NUP93: variants seen among roughly 807,000 people sequenced by gnomAD.
NUP93 encodes nucleoporin 93, also known as nuclear pore complex protein Nup93.
NUP93 carries 55 observed loss-of-function variants against 107.8 expected under a neutral mutation model. The observed-to-expected ratio is 0.51, with a 90% CI of 0.41 to 0.64. The LOEUF (loss-of-function observed/expected upper bound fraction) is 0.64, where lower values mean the gene tolerates loss of function less well. Ranked by LOEUF, NUP93 falls within the 30% of genes least tolerant of loss-of-function variation. NUP93 has a pLI of 0.00. For synonymous variants in NUP93, 390 were observed against 397.5 expected (o/e 0.98, Z 0.22); for missense variants, 937 against 1,044.7 (o/e 0.90, Z 1.42).
At chr16:56,824,520 G>A (rs1290973241) in intron 8 of NUP93, among the ~76,000 whole-genome samples, 2 of 152,178 alleles carry the variant, frequency 1.3e-5, no homozygotes, top group Non-Finnish European at 2.9e-5. Flanking sequence ...GTGTGCAATA[G>A]AATCTCTTTA....
intron 5 of NUP93, among the ~76,000 whole-genome samples, chr16:56,809,916 GTTTC>G (rs1452688066): frequency 2.6e-5 from 4 of 152,152 alleles, no homozygotes; most frequent in African/African-American, 9.7e-5. Context: ...TCAAACTAAT[GTTTC>G]TTTCTCAATT....
rs1964159702 is a variant in NUP93 at position 56,850,143 on chromosome 16, T to C, written c.*5534T>C. On this transcript the variant is annotated 3_prime_UTR_variant, in exon 22 of 22. Coordinates refer to ENST00000308159, the MANE Select transcript of NUP93 (RefSeq NM_014669.5). ...TTCTCGAGTCACTCTGTGTGGTGCTTGTGGGAGAAGGGAGAGGGTGGGAGA... is the reference window on the plus strand; with the variant it reads ...TTCTCGAGTCACTCTGTGTGGTGCTCGTGGGAGAAGGGAGAGGGTGGGAGA... 1 of 152,288 alleles carries C rather than the reference T, an allele frequency of 6.6e-6. No individual in the cohort carries two copies. The highest frequency in any genetic ancestry group is 6.5e-5 in the Admixed American group (1 of 15,286). The allele number at this position is 152,288 out of a possible 1,614,324, so 9.4% of individuals were successfully genotyped here.
chr16:56,785,127 TTGAAA>T (rs1409239179), intron 3 of NUP93, among the ~76,000 whole-genome samples: 2 of 152,236 alleles, frequency 1.3e-5, no homozygotes, highest in Admixed American at 1.3e-4. Flanking sequence ...GGCTTGCACC[TTGAAA>T]TGAAAGAGTT....
chr16:56,812,187 G>T (rs1264572862), intron 5 of NUP93, among the ~76,000 whole-genome samples: 1 of 152,146 alleles, frequency 6.6e-6, no homozygotes, highest in Non-Finnish European at 1.5e-5. Flanking sequence ...TTAATATAAA[G>T]AGAGGCTCAA....
intron 5 of NUP93, among the ~76,000 whole-genome samples, chr16:56,806,328 T>C (rs188904431): frequency 6.6e-6 from 1 of 152,086 alleles, no homozygotes; most frequent in African/African-American, 2.4e-5. Context: ...ATCCAACCAC[T>C]TCTCACTGCC....
At chr16:56,768,808 G>T (rs937953472) in intron 3 of NUP93, among the ~76,000 whole-genome samples, 1 of 151,142 alleles carries the variant, frequency 6.6e-6, no homozygotes, top group Non-Finnish European at 1.5e-5. Context: ...TAGAGCTTGC[G>T]GTGAGCCGAG....
At chr16:56,777,581 T>A (rs1192641887) in intron 3 of NUP93, among the ~76,000 whole-genome samples, 1 of 152,216 alleles carries the variant, frequency 6.6e-6, no homozygotes, top group African/African-American at 2.4e-5. Flanking sequence ...TGCAATAAAT[T>A]AGCAGAATTG....
intron 2 of NUP93, among the ~76,000 whole-genome samples, chr16:56,757,607 AT>A (rs754298848): frequency 5.3e-5 from 8 of 152,146 alleles, no homozygotes; most frequent in Non-Finnish European, 1.0e-4. Flanking sequence ...GCATTGTTAC[AT>A]TGCCCCAGGT....
intron 1 of NUP93, among the ~76,000 whole-genome samples, chr16:56,744,581 A>T (rs1193940170): frequency 6.6e-6 from 1 of 152,234 alleles, no homozygotes; most frequent in Non-Finnish European, 1.5e-5. Context: ...ATAGTATTTC[A>T]TACATATCTC....
At chr16:56,796,243 A>T (rs916109141) in intron 3 of NUP93, among the ~76,000 whole-genome samples, 1 of 152,246 alleles carries the variant, frequency 6.6e-6, no homozygotes, top group Admixed American at 6.5e-5. Context: ...CAGTGGTCCC[A>T]TAAGATTACA....
At chr16:56,765,906 G>A (rs1348453216) in intron 3 of NUP93, among the ~76,000 whole-genome samples, 1 of 152,142 alleles carries the variant, frequency 6.6e-6, no homozygotes, top group African/African-American at 2.4e-5. Context: ...CCATGATAAG[G>A]GAAAAGGTAG....
chr16:56,783,931 T>A, intron 3 of NUP93: 1 of 962,592 alleles, frequency 1.0e-6, no homozygotes, highest in Non-Finnish European at 1.2e-6. Flanking sequence ...TTTGGTTGAA[T>A]ATGCAAAATA....
At chr16:56,837,001 A>G (rs1248342033) in intron 17 of NUP93, among the ~76,000 whole-genome samples, 1 of 152,256 alleles carries the variant, frequency 6.6e-6, no homozygotes, top group Non-Finnish European at 1.5e-5. Context: ...TCACATTTCG[A>G]TGGTGAAGCC....
chr16:56,740,117 C>CG (rs1378251096), intron 1 of NUP93, among the ~76,000 whole-genome samples: 14 of 123,680 alleles, frequency 1.1e-4, no homozygotes, highest in East Asian at 8.5e-4. Flanking sequence ...GCTGGCCAGG[C>CG]GGGGGGCTGA....
intron 17 of NUP93, among the ~76,000 whole-genome samples, chr16:56,837,093 AG>A (rs1567412914): frequency 6.6e-6 from 1 of 152,236 alleles, no homozygotes; most frequent in East Asian, 1.9e-4. Flanking sequence ...AGACCACATC[AG>A]TGTGCAGGAA....
chr16:56,760,810 T>G (rs1029504993), intron 3 of NUP93, among the ~76,000 whole-genome samples: 2 of 152,032 alleles, frequency 1.3e-5, no homozygotes, highest in Admixed American at 6.6e-5. Context: ...GATCGGGGCA[T>G]GGTGGCGCAC....
intron 8 of NUP93, among the ~76,000 whole-genome samples, chr16:56,827,395 G>A (rs1040869115): frequency 1.3e-5 from 2 of 152,206 alleles, no homozygotes; most frequent in Admixed American, 1.3e-4. Flanking sequence ...TCAATGGAAA[G>A]TAAAACCGTT....
At chr16:56,822,029 C>T (rs1963554187) in intron 7 of NUP93, among the ~76,000 whole-genome samples, 1 of 147,944 alleles carries the variant, frequency 6.8e-6, no homozygotes, top group Non-Finnish European at 1.5e-5. Flanking sequence ...CTCTGACACA[C>T]ACATATACTG....
At chr16:56,744,199 A>G (rs951640583) in intron 1 of NUP93, among the ~76,000 whole-genome samples, 1 of 152,156 alleles carries the variant, frequency 6.6e-6, no homozygotes, top group Non-Finnish European at 1.5e-5. Context: ...TTCCCAACAC[A>G]TGGCTTGGAC....
Sources: allele counts gnomAD v4.1 joint callset (sites outside exome capture counted in the v4.1 genomes callset), GRCh38; gene constraint gnomAD v4.1.1; transcripts MANE v1.5; gene names NCBI Gene and HGNC (gene_info 2026-07-23, HGNC 2026-07-21).